The following EXOC6B variants were observed in gnomAD, a reference collection of about 807,000 sequenced individuals.
The protein encoded by EXOC6B is exocyst complex component 6B, also known as SEC15 homolog B.
Under a neutral mutation model 113.5 loss-of-function variants are expected in EXOC6B, and 54 were observed. That is an observed-to-expected ratio of 0.48 (90% CI 0.38 to 0.60). The LOEUF (loss-of-function observed/expected upper bound fraction) is 0.60, where lower values mean the gene tolerates loss of function less well. Ranked by LOEUF, EXOC6B falls within the 20% of genes least tolerant of loss-of-function variation. EXOC6B has a pLI of 0.00. For synonymous variants in EXOC6B, 357 were observed against 339.0 expected, an observed-to-expected ratio of 1.05 and a Z score of -0.58; for missense variants, 797 against 977.5, an observed-to-expected ratio of 0.82 and a Z score of 2.46.
At chr2:72,197,945 T>A (rs1368596117) in intron 20 of EXOC6B, among the ~76,000 whole-genome samples, 1 of 152,150 alleles carries the variant, frequency 6.6e-6, no homozygotes, top group Non-Finnish European at 1.5e-5. Context: ...CTGAAACTTT[T>A]GTATAGGGTT....
chr2:72,781,123 T>C (rs1413006507), intron 1 of EXOC6B, among the ~76,000 whole-genome samples: 1 of 152,180 alleles, frequency 6.6e-6, no homozygotes, highest in Non-Finnish European at 1.5e-5. Flanking sequence ...TGAATCCATA[T>C]TGAAGATTCT....
rs1393793254 is a variant in EXOC6B, at chr2:72,515,031, T to C, written c.999+12A>G. 9 of 1,593,952 alleles carry C rather than the reference T, an allele frequency of 5.6e-6. No individual in the cohort carries two copies. The highest frequency in any genetic ancestry group is 7.7e-6 in the Non-Finnish European group (9 of 1,169,212). On this transcript the variant is annotated intron_variant, in intron 9 of 21. Coordinates refer to ENST00000272427, the MANE Select transcript of EXOC6B (RefSeq NM_015189.3). ...AGTAAAAATGTGAGAAAAGTGAAGA[T>C]GGTAATCCTACCATGTTAGATGGAG...
At chr2:72,456,530 T>A (rs1697245856) in intron 18 of EXOC6B, among the ~76,000 whole-genome samples, 2 of 152,100 alleles carry the variant, frequency 1.3e-5, no homozygotes, top group African/African-American at 4.8e-5. Flanking sequence ...TAGTTGGCAA[T>A]CAATCTAATA....
chr2:72,763,264 A>G (rs1317002110), intron 1 of EXOC6B, among the ~76,000 whole-genome samples: 1 of 151,958 alleles, frequency 6.6e-6, no homozygotes, highest in South Asian at 2.1e-4. Context: ...AATTGAGTAT[A>G]CTTCCATTTC....
chr2:72,484,698 G>C (rs1699326801), intron 16 of EXOC6B, among the ~76,000 whole-genome samples: 1 of 152,008 alleles, frequency 6.6e-6, no homozygotes, highest in African/African-American at 2.4e-5. Context: ...AGAACATGCA[G>C]TGCTTGGTTT....
chr2:72,568,020 T>G (rs541363438), intron 7 of EXOC6B, among the ~76,000 whole-genome samples: 4 of 152,068 alleles, frequency 2.6e-5, no homozygotes, highest in African/African-American at 9.7e-5. Flanking sequence ...CATGGTCTAA[T>G]GTATTACTAA....
rs181064600 is a variant in EXOC6B at position 72,219,371 on chromosome 2, G to A, written c.2197-35184C>T. Among the ~76,000 whole-genome samples, 725 of 152,166 alleles carry A rather than the reference G, an allele frequency of 4.8e-3. 1 individual carries two copies. The highest frequency in any genetic ancestry group is 8.6e-3 in the Non-Finnish European group (587 of 68,008). ...CCAATGGTTTGGACAGCAGAATCCAGCTACTAAAGACTTCTCTGCTCTCAA... is the reference window on the plus strand; with the variant it reads ...CCAATGGTTTGGACAGCAGAATCCAACTACTAAAGACTTCTCTGCTCTCAA... On this transcript the variant is annotated intron_variant, in intron 20 of 21. Coordinates refer to ENST00000272427, the MANE Select transcript of EXOC6B (RefSeq NM_015189.3).
intron 20 of EXOC6B, among the ~76,000 whole-genome samples, chr2:72,247,667 C>T (rs764142330): frequency 4.6e-5 from 7 of 152,182 alleles, no homozygotes; most frequent in Admixed American, 6.5e-5. Flanking sequence ...CAACTACTCA[C>T]GTAAACTCCC....
chr2:72,412,129 G>C (rs989810867), intron 18 of EXOC6B, among the ~76,000 whole-genome samples: 2 of 152,024 alleles, frequency 1.3e-5, no homozygotes, highest in African/African-American at 4.8e-5. Context: ...TATGAAGAAT[G>C]TAAGTCAAAG....
At chr2:72,528,257 C>T (rs929449856) in intron 8 of EXOC6B, among the ~76,000 whole-genome samples, 4 of 152,022 alleles carry the variant, frequency 2.6e-5, no homozygotes, top group Non-Finnish European at 5.9e-5. Context: ...GGGAGGTTAG[C>T]TCAAAGTTCT....
chr2:72,560,809 A>G (rs1703847062), intron 7 of EXOC6B, among the ~76,000 whole-genome samples: 1 of 151,934 alleles, frequency 6.6e-6, no homozygotes, highest in South Asian at 2.1e-4. Context: ...GATGGTCAAT[A>G]TCCTATACCA....
intron 2 of EXOC6B, among the ~76,000 whole-genome samples, chr2:72,738,098 T>C (rs1187394093): frequency 1.3e-5 from 2 of 152,180 alleles, no homozygotes; most frequent in Non-Finnish European, 1.5e-5. Flanking sequence ...CATTCAAATA[T>C]GACTTTCTAT....
intron 20 of EXOC6B, among the ~76,000 whole-genome samples, chr2:72,233,079 A>G (rs889241694): frequency 6.6e-6 from 1 of 152,022 alleles, no homozygotes; most frequent in Non-Finnish European, 1.5e-5. Flanking sequence ...CCCAAAAAAA[A>G]AAGAAAAAAA....
At chr2:72,616,536 G>A (rs1395964603) in intron 6 of EXOC6B, among the ~76,000 whole-genome samples, 2 of 152,136 alleles carry the variant, frequency 1.3e-5, no homozygotes, top group Non-Finnish European at 2.9e-5. Flanking sequence ...ATTGCTGAAG[G>A]CAAGAAGGAA....
intron 20 of EXOC6B, among the ~76,000 whole-genome samples, chr2:72,302,359 T>C (rs1396076832): frequency 6.6e-6 from 1 of 152,182 alleles, no homozygotes; most frequent in African/African-American, 2.4e-5. Flanking sequence ...TCAGATCCAT[T>C]TGGTCTAATG....
At chr2:72,406,166 A>G (rs973057650) in intron 18 of EXOC6B, among the ~76,000 whole-genome samples, 18 of 152,190 alleles carry the variant, frequency 1.2e-4, no homozygotes, top group African/African-American at 3.9e-4. Flanking sequence ...TCCTAAATAT[A>G]TATGCACCCA....
intron 18 of EXOC6B, among the ~76,000 whole-genome samples, chr2:72,456,844 C>T (rs572272079): frequency 6.6e-6 from 1 of 152,076 alleles, no homozygotes; most frequent in Admixed American, 6.6e-5. Context: ...AAATTTAATT[C>T]GTGCCATTTT....
chr2:72,343,580 T>C (rs62149282), intron 19 of EXOC6B, among the ~76,000 whole-genome samples: 11,421 of 152,262 alleles, frequency 0.075, 504 homozygotes, highest in Non-Finnish European at 0.11. Flanking sequence ...AGGATTCCCT[T>C]GAGCATTTAT....
At chr2:72,393,461 C>G (rs754529525) in intron 18 of EXOC6B, among the ~76,000 whole-genome samples, 40 of 152,168 alleles carry the variant, frequency 2.6e-4, no homozygotes, top group Non-Finnish European at 4.1e-4. Context: ...TTATCTAAAT[C>G]CTATACTTAC....
Sources: gnomAD v4.1 joint callset for allele counts (sites outside exome capture counted in the v4.1 genomes callset) on GRCh38, gnomAD v4.1.1 for gene constraint, MANE v1.5 for transcripts, NCBI Gene and HGNC (gene_info 2026-07-23, HGNC 2026-07-21) for gene names.